ANKRD30B: variants seen among roughly 807,000 people sequenced by gnomAD.
ANKRD30B encodes ankyrin repeat domain-containing protein 30B.
ANKRD30B carries 144 observed loss-of-function variants against 202.2 expected under a neutral mutation model. That is an observed-to-expected ratio of 0.71 (90% confidence interval 0.62 to 0.82). The LOEUF is 0.82. ANKRD30B is among the 40% of genes least tolerant of loss of function. ANKRD30B has a pLI of 0.00. For missense variants in ANKRD30B, 1,487 were observed against 1,669.1 expected (o/e 0.89, Z 1.90); for synonymous variants, 508 against 561.3 (o/e 0.91, Z 1.34).
chr18:14,809,508 A>G (rs1969779303), intron 26 of ANKRD30B, among the ~76,000 whole-genome samples: 1 of 150,818 alleles, frequency 6.6e-6, no homozygotes. Flanking sequence ...GGGCGTTCAT[A>G]GCACTATCTT....
Position 14,748,620 on chromosome 18 carries a change from C to A in ANKRD30B, c.201C>A (p.Asn67Lys). 1 of 1,565,526 alleles carries A rather than the reference C, an allele frequency of 6.4e-7. No homozygotes were observed. The highest frequency in any genetic ancestry group is 8.7e-7 in the Non-Finnish European group (1 of 1,155,220). ...TAGGGAAGAAGCCCGTCAACCTGAA[C>A]AAAAGAGATATGAAGAAGAGGTACC... ...MTVGKKPVNL[N>K]KRDMKKRTAL... Residue 67 changes from asparagine to lysine, a missense_variant, in exon 1 of 44, where the codon AAC becomes AAA. Transcript: ENST00000690538.
In ANKRD30B at chr18:14,854,436, G is replaced by A. The variant is rs1249062693; in HGVS notation, c.*278G>A. Reference sequence around the variant, plus strand: ...GGGGTAGAATCCCATGCATGAGAAGGGGACAGGTCCTTTCTTCACAAGACC... The same window carrying A: ...GGGGTAGAATCCCATGCATGAGAAGAGGACAGGTCCTTTCTTCACAAGACC... On this transcript the variant is annotated 3_prime_UTR_variant, in exon 44 of 44. Coordinates refer to ENST00000690538, the MANE Select transcript of ANKRD30B (RefSeq NM_001367607.2). Among the ~76,000 whole-genome samples the A allele has an allele frequency of 6.6e-6, 1 of 152,098 alleles. No individual in the cohort carries two copies. Among genetic ancestry groups the A allele is most frequent in the African/African-American group, 2.4e-5 (1 of 41,398 alleles).
chr18:14,918,783 C>T, the ANKRD30B span, among the ~76,000 whole-genome samples: 4 of 152,210 alleles, frequency 2.6e-5, no homozygotes, highest in Admixed American at 6.5e-5. Context: ...GTTTGTGACC[C>T]ATTCAAAATT....
chr18:14,769,265 C>G (rs1916725233), intron 7 of ANKRD30B, 78 bp from the exon 8 acceptor site: 1 of 1,128,516 alleles, frequency 8.9e-7, no homozygotes, highest in Admixed American at 2.4e-5. Context: ...TGCCATCGTG[C>G]CCTCTTACGT....
At chr18:14,771,799 A>C (rs1020351207) in intron 8 of ANKRD30B, among the ~76,000 whole-genome samples, 7 of 152,184 alleles carry the variant, frequency 4.6e-5, no homozygotes, top group Non-Finnish European at 8.8e-5. Flanking sequence ...AAGTTATGTC[A>C]GCCATTAAGT....
At chr18:14,788,125 T>A (rs969111389) in intron 15 of ANKRD30B, among the ~76,000 whole-genome samples, 4 of 152,228 alleles carry the variant, frequency 2.6e-5, no homozygotes, top group African/African-American at 9.6e-5. Flanking sequence ...CGCTAAACAG[T>A]TCTATGACCA....
At chr18:14,924,111 T>C in the ANKRD30B span, among the ~76,000 whole-genome samples, 2 of 152,350 alleles carry the variant, frequency 1.3e-5, no homozygotes, top group Non-Finnish European at 2.9e-5. Context: ...CTCTGACACT[T>C]GCTTAATTAC....
chr18:14,888,139 A>G, the ANKRD30B span, among the ~76,000 whole-genome samples: 2 of 151,922 alleles, frequency 1.3e-5, no homozygotes, highest in African/African-American at 2.4e-5. Flanking sequence ...TATTTTATTG[A>G]CTTTCATAAT....
the ANKRD30B span, among the ~76,000 whole-genome samples, chr18:14,861,114 A>T: frequency 2.0e-5 from 3 of 152,218 alleles, no homozygotes; most frequent in South Asian, 4.1e-4. Context: ...ACTCTAAAAG[A>T]AATGTTTAAA....
At chr18:14,831,259 C>T (rs1970925824) in intron 33 of ANKRD30B, 124 bp from the exon 34 acceptor site, 3 of 559,750 alleles carry the variant, frequency 5.4e-6, no homozygotes, top group African/African-American at 2.1e-5. Flanking sequence ...ATATTGAGGA[C>T]TGATCTTTCC....
rs753271795 is a variant in ANKRD30B at position 14,763,997 on chromosome 18, G to T, written c.1132G>T (p.Val378Leu). ...TSVKTECVAG[V>L]TPNKTEVLEK... ...TGTAAAGACTGAATGCGTGGCAGGA[G>T]TAACACCTAATAAAACTGAAGTTTT... Residue 378 changes from valine (V) to leucine (L), a missense_variant, in exon 7 of 44, where the codon GTA (valine) becomes TTA (leucine). By Grantham distance (32) the Val-to-Leu change is conservative. Coordinates refer to ENST00000690538, the MANE Select transcript of ANKRD30B (RefSeq NM_001367607.2). The T allele has an allele frequency of 1.1e-5, 18 of 1,588,442 alleles. No homozygotes were observed. Among genetic ancestry groups the T allele is most frequent in the Middle Eastern group, 1.7e-4 (1 of 6,004 alleles).
chr18:14,796,388 T>G lies in ANKRD30B; in HGVS notation c.1900T>G (p.Leu634Val), dbSNP rs1264637568. Residue 634 changes from leucine to valine, a missense_variant, in exon 18 of 44, where the codon TTA becomes GTA. Leu to Val is a conservative substitution (Grantham distance 32). Coordinates refer to ENST00000690538, the MANE Select transcript of ANKRD30B (RefSeq NM_001367607.2). Reference sequence around the variant, plus strand: ...TTCTCTTCCAAATAAAGCCTTAGAATTAAAGGACAGAGAAACATTCAAAGC... The same window carrying G: ...TTCTCTTCCAAATAAAGCCTTAGAAGTAAAGGACAGAGAAACATTCAAAGC... ...KVSLPNKALELKDRETFKAES... is the reference protein window; with the variant it reads ...KVSLPNKALEVKDRETFKAES... The G allele has an allele frequency of 5.8e-6, 9 of 1,560,196 alleles. No individual in the cohort carries two copies. The highest frequency in any genetic ancestry group is 7.8e-6 in the Non-Finnish European group (9 of 1,151,768).
At chr18:14,817,911 G>A (rs1316800250) in intron 30 of ANKRD30B, among the ~76,000 whole-genome samples, 2 of 151,954 alleles carry the variant, frequency 1.3e-5, no homozygotes, top group East Asian at 3.9e-4. Context: ...CATGTATTTA[G>A]CCTTAAAATG....
the ANKRD30B span, among the ~76,000 whole-genome samples, chr18:14,860,421 G>A: frequency 9.6e-5 from 5 of 51,980 alleles, no homozygotes; most frequent in Non-Finnish European, 1.5e-4. Flanking sequence ...CCTCCCAGAT[G>A]GGGCAGCCGG....
At chr18:14,754,058 G>C (rs1913930898) in intron 3 of ANKRD30B, among the ~76,000 whole-genome samples, 1 of 152,048 alleles carries the variant, frequency 6.6e-6, no homozygotes, top group Non-Finnish European at 1.5e-5. Context: ...ATTTCTAATA[G>C]CCGAGAAAAA....
At chr18:14,748,772 C>G (rs750120272) in intron 1 of ANKRD30B, 132 bp downstream of exon 1, 20 of 989,384 alleles carry the variant, frequency 2.0e-5, no homozygotes, top group South Asian at 7.0e-5. Context: ...ATGGGGCGGC[C>G]GTCCTGGGCC....
the ANKRD30B span, among the ~76,000 whole-genome samples, chr18:14,926,239 C>T: frequency 6.6e-6 from 1 of 152,116 alleles, no homozygotes; most frequent in African/African-American, 2.4e-5. Context: ...TCCTACTAAT[C>T]GGCTCACCTG....
the ANKRD30B span, among the ~76,000 whole-genome samples, chr18:14,901,718 T>A: frequency 6.6e-6 from 1 of 152,244 alleles, no homozygotes; most frequent in East Asian, 1.9e-4. Context: ...CAATATATTA[T>A]TAGCATAACT....
the ANKRD30B span, among the ~76,000 whole-genome samples, chr18:14,937,809 G>T: frequency 2.4e-4 from 37 of 152,102 alleles, no homozygotes; most frequent in African/African-American, 8.7e-4. Flanking sequence ...TTCAGTTCTT[G>T]GTTCAACACT....
Sources: gnomAD v4.1 joint callset for allele counts (sites outside exome capture counted in the v4.1 genomes callset) on GRCh38, gnomAD v4.1.1 for gene constraint, MANE v1.5 for transcripts, NCBI Gene and HGNC (gene_info 2026-07-23, HGNC 2026-07-21) for gene names.